The following IRAK1BP1 variants were observed in gnomAD, a reference collection of about 807,000 sequenced individuals.
IRAK1BP1 encodes interleukin 1 receptor associated kinase 1 binding protein 1.
In IRAK1BP1, 24 loss-of-function variants were observed where a neutral mutation model predicts 28.0. The ratio of observed to expected loss-of-function variants is 0.86; its 90% CI spans 0.62 to 1.20. The LOEUF is 1.20. IRAK1BP1 is among the 50% of genes most tolerant of loss of function. The pLI is 0.00. For synonymous variants in IRAK1BP1, 131 were observed against 116.3 expected (o/e 1.13, Z -0.81); for missense variants, 336 against 316.7 (o/e 1.06, Z -0.46).
chr6:78,928,964 C>T (rs1772968445), intron 4 of IRAK1BP1, among the ~76,000 whole-genome samples: 1 of 152,012 alleles, frequency 6.6e-6, no homozygotes, highest in South Asian at 2.1e-4. Flanking sequence ...AATTGACCTG[C>T]AGTTTTCTTG....
the IRAK1BP1 span, chr6:78,963,008 A>G: frequency 7.9e-7 from 1 of 1,269,490 alleles, no homozygotes; most frequent in Non-Finnish European, 1.1e-6. Flanking sequence ...GGATATTGTG[A>G]AAAAAAATTT....
chr6:78,965,523 T>G, the IRAK1BP1 span, among the ~76,000 whole-genome samples: 1 of 152,224 alleles, frequency 6.6e-6, no homozygotes, highest in East Asian at 1.9e-4. Flanking sequence ...AAGAGTTATA[T>G]CTATCTTCTT....
At chr6:78,883,284 G>A (rs1771296579) in intron 1 of IRAK1BP1, among the ~76,000 whole-genome samples, 2 of 151,968 alleles carry the variant, frequency 1.3e-5, no homozygotes, top group South Asian at 4.1e-4. Flanking sequence ...ACAAAATGTA[G>A]AATATAATTT....
downstream of IRAK1BP1, among the ~76,000 whole-genome samples, chr6:78,947,960 T>C (rs1334336488): frequency 6.8e-6 from 1 of 146,010 alleles, no homozygotes; most frequent in Non-Finnish European, 1.5e-5. Context: ...CTCCCCCCCC[T>C]TATACTGCAA....
chr6:78,968,499 G>A, the IRAK1BP1 span, among the ~76,000 whole-genome samples: 53 of 152,334 alleles, frequency 3.5e-4, no homozygotes, highest in Non-Finnish European at 6.3e-4. Context: ...GGGGGGTTCC[G>A]TAGGATCAAT....
chr6:78,960,501 C>T, the IRAK1BP1 span, among the ~76,000 whole-genome samples: 1 of 146,726 alleles, frequency 6.8e-6, no homozygotes, highest in Admixed American at 6.9e-5. Context: ...TTGAAAAAGA[C>T]TTGAAGAATG....
the IRAK1BP1 span, among the ~76,000 whole-genome samples, chr6:78,965,420 T>G: frequency 6.6e-6 from 1 of 152,196 alleles, no homozygotes; most frequent in Non-Finnish European, 1.5e-5. Flanking sequence ...TGTCTCTGCC[T>G]CCCAAATGCA....
intron 4 of IRAK1BP1, among the ~76,000 whole-genome samples, chr6:78,944,424 A>C (rs1408354374): frequency 6.6e-6 from 1 of 152,226 alleles, no homozygotes; most frequent in Non-Finnish European, 1.5e-5. Context: ...GAACTGAGGC[A>C]GGAAGACCAG....
chr6:78,879,729 G>A (rs930119969), intron 1 of IRAK1BP1, among the ~76,000 whole-genome samples: 3 of 152,018 alleles, frequency 2.0e-5, no homozygotes, highest in Admixed American at 6.6e-5. Context: ...AAAGACAAGA[G>A]TGACATCAGA....
chr6:78,902,805 TA>T lies in IRAK1BP1; in HGVS notation c.*4472del. ...ATACATACATACATACATACATACA[TA>T]CATACATACATACATAAAATGCCCA... On this transcript the variant is annotated 3_prime_UTR_variant, in exon 4 of 4. Coordinates refer to ENST00000369940, the MANE Select transcript of IRAK1BP1 (RefSeq NM_001010844.4). 1 of 472,722 alleles carries T rather than the reference TA, an allele frequency of 2.1e-6. No homozygotes were observed. The highest frequency in any genetic ancestry group is 3.7e-6 in the Non-Finnish European group (1 of 268,512). The allele number at this position is 472,722 out of a possible 1,614,324, so 29.3% of individuals were successfully genotyped here.
chr6:78,947,012 T>A (rs904705205), downstream of IRAK1BP1: 11 of 514,094 alleles, frequency 2.1e-5, no homozygotes, highest in Non-Finnish European at 3.6e-5. Flanking sequence ...TTTTTCCTAA[T>A]CTTTTGATGA....
At chr6:78,896,472 A>G (rs1283828226) in intron 2 of IRAK1BP1, among the ~76,000 whole-genome samples, 2 of 152,212 alleles carry the variant, frequency 1.3e-5, no homozygotes, top group Admixed American at 6.5e-5. Flanking sequence ...CAAAGAGCAC[A>G]TACTATATGC....
intron 1 of IRAK1BP1, among the ~76,000 whole-genome samples, chr6:78,874,999 C>T (rs762163203): frequency 1.3e-5 from 2 of 151,894 alleles, no homozygotes; most frequent in Non-Finnish European, 2.9e-5. Flanking sequence ...ATGCATCTGA[C>T]AAAGGTCTAA....
chr6:78,884,729 T>TTACAAATACCA (rs1771354913), intron 1 of IRAK1BP1, among the ~76,000 whole-genome samples: 1 of 152,124 alleles, frequency 6.6e-6, no homozygotes, highest in Non-Finnish European at 1.5e-5. Flanking sequence ...GAGTTGCACA[T>TTACAAATACCA]GATAAGTATT....
chr6:78,929,897 C>A (rs1772996047), intron 4 of IRAK1BP1, among the ~76,000 whole-genome samples: 1 of 150,626 alleles, frequency 6.6e-6, no homozygotes, highest in African/African-American at 2.4e-5. Context: ...ACATAAAACA[C>A]ATGTTCAAAT....
downstream of IRAK1BP1, among the ~76,000 whole-genome samples, chr6:78,948,667 A>C (rs369106785): frequency 6.6e-6 from 1 of 152,000 alleles, no homozygotes; most frequent in Non-Finnish European, 1.5e-5. Flanking sequence ...GCTAATTTTT[A>C]TAATTTTTGT....
At chr6:78,876,617 G>A (rs1269752480) in intron 1 of IRAK1BP1, among the ~76,000 whole-genome samples, 3 of 152,252 alleles carry the variant, frequency 2.0e-5, no homozygotes, top group African/African-American at 7.2e-5. Context: ...GCTGTCCTGT[G>A]CATTGTAGGA....
chr6:78,897,845 C>G lies in IRAK1BP1; in HGVS notation c.398C>G (p.Thr133Ser). ...CATTTACAGGTCTGCATTACATTTACTGAATTTGGAAAAATGCAAAATATT... is the reference window on the plus strand; with the variant it reads ...CATTTACAGGTCTGCATTACATTTAGTGAATTTGGAAAAATGCAAAATATT... Reference protein sequence around the residue: ...HMEAEVCITFTEFGKMQNICN... With the variant: ...HMEAEVCITFSEFGKMQNICN... The change falls in exon 3 of 4, where the codon ACT becomes AGT. Residue 133 changes from threonine (T) to serine (S), a missense_variant. By Grantham distance (58) the Thr-to-Ser change is moderately conservative. Coordinates refer to ENST00000369940, the MANE Select transcript of IRAK1BP1 (RefSeq NM_001010844.4). 1 of 1,612,802 alleles carries G rather than the reference C, an allele frequency of 6.2e-7. No homozygotes were observed. The highest frequency in any genetic ancestry group is 8.5e-7 in the Non-Finnish European group (1 of 1,179,202).
rs1233054249 is a variant in IRAK1BP1 at position 78,902,075 on chromosome 6, TA to T, written c.*3744del. The T allele has an allele frequency of 1.3e-5, 2 of 152,232 alleles. No homozygotes were observed. Among genetic ancestry groups the T allele is most frequent in the African/African-American group, 4.8e-5 (2 of 41,472 alleles). 9.4% of individuals were successfully genotyped at this position (152,232 alleles called of 1,614,324 possible). A position where few individuals can be genotyped will look rare whatever the true frequency, so the allele number is the denominator to read the frequency against. ...TTATTCCAACAAAAAAAGACCTATA[TA>T]AATTAGTTTAAGCTAACATTTAGAC... On this transcript the variant is annotated 3_prime_UTR_variant, in exon 4 of 4. Coordinates refer to ENST00000369940, the MANE Select transcript of IRAK1BP1 (RefSeq NM_001010844.4).
Sources: allele counts gnomAD v4.1 joint callset (sites outside exome capture counted in the v4.1 genomes callset), GRCh38; gene constraint gnomAD v4.1.1; transcripts MANE v1.5; gene names NCBI Gene and HGNC (gene_info 2026-07-23, HGNC 2026-07-21).